Variants in RGS7 observed in about 807,000 individuals in gnomAD.
RGS7 encodes the protein regulator of G-protein signaling 7.
RGS7 carries 27 observed loss-of-function variants against 81.1 expected under a neutral mutation model. That is an observed-to-expected ratio of 0.33 (90% CI 0.25 to 0.46). The LOEUF (loss-of-function observed/expected upper bound fraction) is 0.46. RGS7 is among the 20% of genes least tolerant of loss of function. The pLI, the probability that RGS7 is intolerant of heterozygous loss-of-function variation, is 1.00. For missense variants in RGS7, 396 were observed against 607.4 expected (o/e 0.65, Z 3.66); for synonymous variants, 208 against 207.7 (o/e 1.00, Z -0.01).
At chr1:241,003,482 A>G (rs2058525023) in intron 3 of RGS7, among the ~76,000 whole-genome samples, 1 of 144,414 alleles carries the variant, frequency 6.9e-6, no homozygotes. Flanking sequence ...AAAAAAAAAA[A>G]GTACTGTGCC....
chr1:241,065,342 C>T (rs2062000454), intron 3 of RGS7, among the ~76,000 whole-genome samples: 1 of 151,398 alleles, frequency 6.6e-6, no homozygotes, highest in South Asian at 2.1e-4. Flanking sequence ...AAACACCTGG[C>T]AAATGAGTGG....
At chr1:240,831,527 A>G (rs1270639385) in intron 9 of RGS7, among the ~76,000 whole-genome samples, 1 of 152,202 alleles carries the variant, frequency 6.6e-6, no homozygotes, top group Non-Finnish European at 1.5e-5. Context: ...ACTTCCTGAT[A>G]CAATAAAAAC....
chr1:241,092,280 T>C (rs1572654281), intron 3 of RGS7, among the ~76,000 whole-genome samples: 1 of 152,222 alleles, frequency 6.6e-6, no homozygotes, highest in Non-Finnish European at 1.5e-5. Context: ...ATCTTACAAA[T>C]TTAAAATTAA....
chr1:241,154,140 G>A (rs974220512), intron 2 of RGS7, among the ~76,000 whole-genome samples: 13 of 152,112 alleles, frequency 8.5e-5, no homozygotes, highest in Non-Finnish European at 1.3e-4. Context: ...CAAGTAGTAC[G>A]TATATAAAGT....
chr1:241,317,251 GT>G (rs1168565254), intron 2 of RGS7, among the ~76,000 whole-genome samples: 4 of 152,104 alleles, frequency 2.6e-5, no homozygotes, highest in African/African-American at 9.7e-5. Context: ...CAAGTTTTGA[GT>G]ATTGCTTCCA....
At chr1:240,870,577 G>A (rs894944421) in intron 6 of RGS7, among the ~76,000 whole-genome samples, 1 of 151,932 alleles carries the variant, frequency 6.6e-6, no homozygotes, top group East Asian at 1.9e-4. Flanking sequence ...TGAACTCCTG[G>A]GCTCAAGTGA....
chr1:240,926,712 A>G (rs2148327637), intron 6 of RGS7, among the ~76,000 whole-genome samples: 1 of 152,230 alleles, frequency 6.6e-6, no homozygotes, highest in African/African-American at 2.4e-5. Flanking sequence ...ATCTCTCTTG[A>G]TGAGCAAATA....
chr1:241,310,437 G>C (rs906060200), intron 2 of RGS7, among the ~76,000 whole-genome samples: 1 of 115,946 alleles, frequency 8.6e-6, no homozygotes, highest in African/African-American at 2.7e-5. Flanking sequence ...ATGTGTGTCT[G>C]TGTGTGTGAG....
intron 18 of RGS7, among the ~76,000 whole-genome samples, chr1:240,784,186 T>G (rs1419339646): frequency 1.3e-5 from 2 of 148,602 alleles, no homozygotes; most frequent in African/African-American, 5.0e-5. Context: ...AAACTCTGTC[T>G]CGAAAAAAAA....
intron 3 of RGS7, among the ~76,000 whole-genome samples, chr1:241,030,170 T>C (rs185164654): frequency 6.6e-6 from 1 of 152,268 alleles, no homozygotes; most frequent in East Asian, 1.9e-4. Context: ...CCCCTTGCTC[T>C]ATCAAGACAA....
chr1:240,956,341 T>C (rs866403190), intron 4 of RGS7, among the ~76,000 whole-genome samples: 50 of 150,722 alleles, frequency 3.3e-4, no homozygotes, highest in African/African-American at 1.2e-3. Context: ...AGTAATTTTA[T>C]ATTTTGAGAT....
chr1:241,218,722 G>A (rs1218073690), intron 2 of RGS7, among the ~76,000 whole-genome samples: 2 of 152,064 alleles, frequency 1.3e-5, no homozygotes, highest in African/African-American at 4.8e-5. Flanking sequence ...TCGGCTCACC[G>A]CAACCTCCAC....
At chr1:240,819,863 AT>A (rs1691477955) in intron 10 of RGS7, among the ~76,000 whole-genome samples, 1 of 152,196 alleles carries the variant, frequency 6.6e-6, no homozygotes, top group Non-Finnish European at 1.5e-5. Context: ...CAGAGTTTCC[AT>A]TTCTTGTCTT....
Position 241,073,590 on chromosome 1 carries a change from T to C in RGS7, c.175+25076A>G, listed in dbSNP as rs57704451. On this transcript the variant is annotated intron_variant, in intron 3 of 18. Coordinates refer to ENST00000440928, the MANE Select transcript of RGS7 (RefSeq NM_001364886.1). ...CACAATTCTTATTCTTTATTGTCAG[T>C]AATGTGGTGAAAGTCCCTTGGAATC... Among the ~76,000 whole-genome samples the C allele has an allele frequency of 8.7e-3, 1,332 of 152,330 alleles. 18 individuals are homozygous for C. Among genetic ancestry groups the C allele is most frequent in the African/African-American group, 0.03 (1,255 of 41,574 alleles).
intron 7 of RGS7, among the ~76,000 whole-genome samples, chr1:240,869,675 C>T (rs988324859): frequency 2.0e-5 from 3 of 152,136 alleles, no homozygotes; most frequent in African/African-American, 4.8e-5. Flanking sequence ...CGTGGTGGCT[C>T]GTGCCTGTAA....
rs190196777 is a variant in RGS7, at chr1:241,337,231, C to T, written c.78+18468G>A. 7.2e-5 allele frequency among the ~76,000 whole-genome samples: 11 copies of T among 152,250 alleles called. No individual in the cohort carries two copies. The East Asian group carries it at 1.9e-3, about 27-fold the overall frequency. On this transcript the variant is annotated intron_variant, in intron 2 of 18. Transcript: ENST00000440928. ...CTTTTCTCTTTTCCACCATTCTGTA[C>T]TCCATTGTTCATGCCTCTTGTCCTT...
chr1:241,284,753 T>A (rs544109693), intron 2 of RGS7, among the ~76,000 whole-genome samples: 4 of 152,216 alleles, frequency 2.6e-5, no homozygotes, highest in Non-Finnish European at 4.4e-5. Flanking sequence ...AAGTCTAGCC[T>A]CCCCACTCAG....
chr1:241,087,950 C>CTA lies in RGS7; in HGVS notation c.175+10715_175+10716insTA, dbSNP rs1558697539. Among the ~76,000 whole-genome samples the CTA allele has an allele frequency of 4.3e-3, 441 of 103,744 alleles. 3 individuals are homozygous for CTA. The highest frequency in any genetic ancestry group is 0.015 in the African/African-American group (412 of 27,932). 68.1% of individuals were successfully genotyped at this position (103,744 alleles called of 152,430 possible). Reference sequence around the variant, plus strand: ...AGCCACAGAGCAAGACTCCATCTCTCTCTCTCTCTCTCTCTCTCTCTCTCT... The same window carrying CTA: ...AGCCACAGAGCAAGACTCCATCTCTCTATCTCTCTCTCTCTCTCTCTCTCTCT... On this transcript the variant is annotated intron_variant, in intron 3 of 18. Transcript: ENST00000440928.
At chr1:240,872,034 T>A (rs893945592) in intron 6 of RGS7, among the ~76,000 whole-genome samples, 10 of 152,216 alleles carry the variant, frequency 6.6e-5, no homozygotes, top group African/African-American at 2.4e-4. Context: ...GGGATGATTT[T>A]ATTTTTTACA....
Sources: allele counts gnomAD v4.1 joint callset (sites outside exome capture counted in the v4.1 genomes callset), GRCh38; gene constraint gnomAD v4.1.1; transcripts MANE v1.5; gene names NCBI Gene and HGNC (gene_info 2026-07-23, HGNC 2026-07-21).